Variants in ERN1 observed in about 807,000 individuals in gnomAD.
The protein encoded by ERN1 is endoplasmic reticulum to nucleus signaling 1, also known as serine/threonine-protein kinase/endoribonuclease IRE1.
ERN1 carries 39 observed loss-of-function variants against 113.1 expected under a neutral mutation model. The ratio of observed to expected loss-of-function variants is 0.34; its 90% CI spans 0.27 to 0.45. ERN1 has a LOEUF of 0.45. Among genes scored for constraint, ERN1 ranks in the 20% least tolerant of loss-of-function variants. ERN1 has a pLI of 1.00. For missense variants in ERN1, 976 were observed against 1,274.8 expected (o/e 0.77, Z 3.57); for synonymous variants, 507 against 515.9 (o/e 0.98, Z 0.23).
At chr17:64,097,955 T>C (rs1238725576) in intron 2 of ERN1, 166 bp downstream of exon 2, 8 of 833,110 alleles carry the variant, frequency 9.6e-6, no homozygotes, top group Non-Finnish European at 1.5e-5. Flanking sequence ...AGCAAAGCTA[T>C]AAACGTCCTT....
chr17:64,064,949 T>C (rs565122173), intron 9 of ERN1, among the ~76,000 whole-genome samples: 1 of 152,118 alleles, frequency 6.6e-6, no homozygotes, highest in Non-Finnish European at 1.5e-5. Context: ...AGCAGGGCCA[T>C]GAACACCAGC....
rs1260336714 is a variant in ERN1, at chr17:64,054,874, T to C, written c.1673-46A>G. On this transcript the variant is annotated intron_variant, in intron 13 of 21. Coordinates refer to ENST00000433197, the MANE Select transcript of ERN1 (RefSeq NM_001433.5). The surrounding 1 kb of genome is among the most constrained non-coding windows in gnomAD (Gnocchi z 4.9). ...GAGATTGTTTCAAACAGATATCACCTAAAGAACCTTGAGGTTAACATAGTG... is the reference window on the plus strand; with the variant it reads ...GAGATTGTTTCAAACAGATATCACCCAAAGAACCTTGAGGTTAACATAGTG... 1 of 1,414,660 alleles carries C rather than the reference T, an allele frequency of 7.1e-7. No individual in the cohort carries two copies. The highest frequency in any genetic ancestry group is 9.8e-7 in the Non-Finnish European group (1 of 1,021,802). The allele number at this position is 1,414,660 out of a possible 1,614,324, so 87.6% of individuals were successfully genotyped here.
rs529318870 is a variant in ERN1, at chr17:64,043,828, G to T, written c.*160C>A. On this transcript the variant is annotated 3_prime_UTR_variant, in exon 22 of 22. Transcript: ENST00000433197. ...GAGGGGCCACTTCTCCCACTTCCTG[G>T]GGTCAGCACTGTCCTCTGTGGGCTG... 1.3e-4 allele frequency: 68 copies of T among 517,246 alleles called. No homozygotes were observed. The highest frequency in any genetic ancestry group is 1.2e-3 in the African/African-American group (65 of 52,086). 32.0% of individuals were successfully genotyped at this position (517,246 alleles called of 1,614,324 possible). A position where few individuals can be genotyped will look rare whatever the true frequency, so the allele number is the denominator to read the frequency against.
intron 1 of ERN1, among the ~76,000 whole-genome samples, chr17:64,125,708 C>A (rs1238336481): frequency 6.6e-6 from 1 of 152,182 alleles, no homozygotes; most frequent in East Asian, 1.9e-4. Context: ...AGGCTGCTCT[C>A]GAACGCCTGA....
intron 1 of ERN1, among the ~76,000 whole-genome samples, chr17:64,113,635 G>C (rs965794591): frequency 6.6e-6 from 1 of 150,974 alleles, no homozygotes; most frequent in African/African-American, 2.4e-5. Context: ...TCAGCCTCTG[G>C]AGTAGCTGGG....
At chr17:64,064,216 C>A in intron 9 of ERN1, 65 bp from the exon 10 acceptor site, 1 of 1,498,298 alleles carries the variant, frequency 6.7e-7, no homozygotes. Flanking sequence ...GGCACACCAT[C>A]CCAGCCACTG....
In ERN1 at chr17:64,051,371, G is replaced by A. The variant is rs561098272; in HGVS notation, c.2253+1409C>T. ...AAATACTAACAAGAGAGGAGGAAATGAACCCTTATGGTAGAGAGATCAGCT... is the reference window on the plus strand; with the variant it reads ...AAATACTAACAAGAGAGGAGGAAATAAACCCTTATGGTAGAGAGATCAGCT... On this transcript the variant is annotated intron_variant, in intron 17 of 21. Transcript: ENST00000433197. 4.6e-5 allele frequency among the ~76,000 whole-genome samples: 7 copies of A among 152,306 alleles called. No individual in the cohort carries two copies. In the South Asian group the frequency reaches 1.5e-3, roughly 32 times the overall value.
At chr17:64,093,872 A>G (rs1456015145) in intron 2 of ERN1, among the ~76,000 whole-genome samples, 1 of 152,212 alleles carries the variant, frequency 6.6e-6, no homozygotes, top group Non-Finnish European at 1.5e-5. Context: ...TAGGCCCTAC[A>G]CCAGTGGTAT....
Position 64,043,820 on chromosome 17 carries a change from A to C in ERN1, c.*168T>G. 2.0e-6 allele frequency: 1 copy of C among 503,886 alleles called. No homozygotes were observed. 31.2% of individuals were successfully genotyped at this position (503,886 alleles called of 1,614,324 possible). ...TAGGTCACGAGGGGCCACTTCTCCC[A>C]CTTCCTGGGGTCAGCACTGTCCTCT... On this transcript the variant is annotated 3_prime_UTR_variant, in exon 22 of 22. Coordinates refer to ENST00000433197, the MANE Select transcript of ERN1 (RefSeq NM_001433.5).
chr17:64,102,586 T>A (rs1914416642), intron 1 of ERN1: 1 of 873,004 alleles, frequency 1.1e-6, no homozygotes, highest in South Asian at 5.2e-5. Flanking sequence ...ATGCCTGAGT[T>A]CAAATGTAGT....
rs1912847314 is a variant in ERN1, at chr17:64,055,819, G to C, written c.1528C>G (p.Leu510Val). The change falls in exon 13 of 22, where the codon CTC becomes GTC. Residue 510 changes from leucine to valine, a missense_variant. Physicochemically the swap from Leu to Val is conservative, Grantham distance 32. Coordinates refer to ENST00000433197, the MANE Select transcript of ERN1 (RefSeq NM_001433.5). ...PPGDTAQDGELLDTSGPYSES... is the reference protein window; with the variant it reads ...PPGDTAQDGEVLDTSGPYSES... ...GAGTACGGGCCAGACGTGTCCAGGA[G>C]CTCGCCGTCCTGAGCCGTGTCTCCA... is the stretch of plus-strand genomic sequence containing the variant. The C allele has an allele frequency of 6.4e-7, 1 of 1,568,258 alleles. No individual in the cohort carries two copies. Among genetic ancestry groups the C allele is most frequent in the East Asian group, 2.4e-5 (1 of 42,418 alleles).
chr17:64,077,788 C>T (rs1030614174), intron 4 of ERN1, among the ~76,000 whole-genome samples: 1 of 151,688 alleles, frequency 6.6e-6, no homozygotes, highest in Non-Finnish European at 1.5e-5. Flanking sequence ...CTCTGTTGCC[C>T]AGGCTGGAGT....
At chr17:64,062,181 A>G (rs916378394) in intron 10 of ERN1, among the ~76,000 whole-genome samples, 3 of 152,262 alleles carry the variant, frequency 2.0e-5, no homozygotes, top group African/African-American at 7.2e-5. Flanking sequence ...CTACTGAATC[A>G]GGCTCTCCCG....
At chr17:64,114,178 AT>A (rs1447161722) in intron 1 of ERN1, among the ~76,000 whole-genome samples, 2 of 151,952 alleles carry the variant, frequency 1.3e-5, no homozygotes, top group Non-Finnish European at 2.9e-5. Flanking sequence ...AGTTACTATT[AT>A]TCATTAAGAA....
chr17:64,057,663 C>T (rs1050706591), intron 12 of ERN1, 139 bp downstream of exon 12: 7 of 858,832 alleles, frequency 8.2e-6, no homozygotes, highest in Admixed American at 2.2e-5. Context: ...CCACTGTGCC[C>T]GCCCGGCCAA....
intron 11 of ERN1, among the ~76,000 whole-genome samples, chr17:64,059,762 A>C (rs1277629070): frequency 6.6e-6 from 1 of 151,892 alleles, no homozygotes; most frequent in East Asian, 1.9e-4. Flanking sequence ...AGGTGTGCTA[A>C]GAGAGCCCCT....
chr17:64,088,813 C>T (rs1436601081), intron 2 of ERN1, among the ~76,000 whole-genome samples: 3 of 152,086 alleles, frequency 2.0e-5, no homozygotes, highest in African/African-American at 7.2e-5. Context: ...GCAGCCGGCC[C>T]CAAGCACAGG....
At chr17:64,062,067 AT>A (rs561973766) in intron 10 of ERN1, among the ~76,000 whole-genome samples, 133 of 152,340 alleles carry the variant, frequency 8.7e-4, no homozygotes, top group African/African-American at 3.1e-3. Context: ...ACCACTAAAT[AT>A]TTTGTACAAA....
intron 1 of ERN1, among the ~76,000 whole-genome samples, chr17:64,110,105 G>A (rs1192702200): frequency 6.6e-6 from 1 of 152,000 alleles, no homozygotes; most frequent in Non-Finnish European, 1.5e-5. Context: ...TAAGTGGGTG[G>A]GAATGGGAAT....
Sources: gnomAD v4.1 joint callset for allele counts (sites outside exome capture counted in the v4.1 genomes callset) on GRCh38, gnomAD v4.1.1 for gene constraint, Gnocchi (gnomAD v3.1) non-coding constraint, MANE v1.5 for transcripts, NCBI Gene and HGNC (gene_info 2026-07-23, HGNC 2026-07-21) for gene names.